SESN1: variants seen among roughly 807,000 people sequenced by gnomAD.
SESN1 encodes sestrin-1.
Under a neutral mutation model 59.3 loss-of-function variants are expected in SESN1, and 30 were observed. The ratio of observed to expected loss-of-function variants is 0.51; its 90% confidence interval spans 0.38 to 0.69. SESN1 has a LOEUF of 0.69. Ranked by LOEUF, SESN1 falls within the 30% of genes least tolerant of loss-of-function variation. The probability of loss-of-function intolerance (pLI) is 0.00; values close to 1 mark genes in which losing one functional copy is unlikely to be tolerated. For synonymous variants in SESN1, 197 were observed against 219.9 expected, an observed-to-expected ratio of 0.90 and a Z score of 0.92; for missense variants, 566 against 673.0, an observed-to-expected ratio of 0.84 and a Z score of 1.76.
chr6:109,071,305 AG>A (rs1780930161), intron 1 of SESN1, among the ~76,000 whole-genome samples: 1 of 151,728 alleles, frequency 6.6e-6, no homozygotes, highest in Non-Finnish European at 1.5e-5. Context: ...GGGTAAGAAG[AG>A]GTGCTATTTT....
At chr6:109,058,731 A>G (rs1212532488) in intron 1 of SESN1, among the ~76,000 whole-genome samples, 4 of 152,134 alleles carry the variant, frequency 2.6e-5, no homozygotes, top group Non-Finnish European at 5.9e-5. Flanking sequence ...GCAGCCCCAG[A>G]AGAGGAAGAA....
intron 5 of SESN1, among the ~76,000 whole-genome samples, chr6:108,997,315 A>ATAAGGTAGCAATATGGTAG (rs1217589008): frequency 6.6e-6 from 1 of 152,218 alleles, no homozygotes; most frequent in East Asian, 1.9e-4. Flanking sequence ...AGCAAGGAGA[A>ATAAGGTAGCAATATGGTAG]GAATCCATCT....
intron 1 of SESN1, among the ~76,000 whole-genome samples, chr6:109,090,988 T>C (rs1781309539): frequency 6.6e-6 from 1 of 152,132 alleles, no homozygotes; most frequent in African/African-American, 2.4e-5. Flanking sequence ...TTGTTCAGGC[T>C]GGTCTCCAAC....
intron 1 of SESN1, among the ~76,000 whole-genome samples, chr6:109,006,209 A>G (rs1779727198): frequency 6.6e-6 from 1 of 152,232 alleles, no homozygotes; most frequent in South Asian, 2.1e-4. Context: ...TGAAAAAGTC[A>G]AGAGTCTTAG....
At position 108,986,225 on chromosome 6, in the gene SESN1, G is replaced by C. The variant is rs968302400; in HGVS notation, c.*1319C>G. 8.5e-5 allele frequency among the ~76,000 whole-genome samples: 13 copies of C among 152,162 alleles called. No homozygotes were observed. Reference sequence around the variant, plus strand: ...GAACTCTAAAACAGTTGAAAAGAGAGCAGGCATAGGGCCATACCAGTCATT... The same window carrying C: ...GAACTCTAAAACAGTTGAAAAGAGACCAGGCATAGGGCCATACCAGTCATT... On this transcript the variant is annotated 3_prime_UTR_variant, in exon 10 of 10. Coordinates refer to ENST00000436639, the MANE Select transcript of SESN1 (RefSeq NM_014454.3).
rs1360155454 is a variant in SESN1, at chr6:109,094,135, T to C, written c.-62A>G. Reference sequence around the variant, plus strand: ...TCAGCATGCCCCAAAAAAATTGCTTTGTATTTTTAAAATGAAAAATGTAAA... The same window carrying C: ...TCAGCATGCCCCAAAAAAATTGCTTCGTATTTTTAAAATGAAAAATGTAAA... On this transcript the variant is annotated 5_prime_UTR_variant, in exon 1 of 10. Transcript: ENST00000436639. 4.5e-5 allele frequency: 67 copies of C among 1,498,788 alleles called. 1 individual carries two copies. The East Asian group carries it at 1.5e-3, about 33-fold the overall frequency. 92.8% of individuals were successfully genotyped at this position (1,498,788 alleles called of 1,614,324 possible).
chr6:108,992,864 G>T lies in SESN1; in HGVS notation c.1156C>A (p.Arg386Ser). ...CCATAACTAGTATCCTCAAAATGAC[G>T]AGATACAGCTCTTGCTGGTGTAACT... The part of the protein sequence containing the change: ...EEVTPARAVS[R>S]HFEDTSYGYK... The change falls in exon 7 of 10, where the codon CGT becomes AGT. Residue 386 changes from arginine to serine, a missense_variant. Coordinates refer to ENST00000436639, the MANE Select transcript of SESN1 (RefSeq NM_014454.3). The T allele has an allele frequency of 6.2e-7, 1 of 1,613,224 alleles. No individual in the cohort carries two copies. The highest frequency in any genetic ancestry group is 8.5e-7 in the Non-Finnish European group (1 of 1,179,426).
At chr6:109,046,277 G>A (rs1293706154) in intron 1 of SESN1, among the ~76,000 whole-genome samples, 1 of 151,556 alleles carries the variant, frequency 6.6e-6, no homozygotes, top group Non-Finnish European at 1.5e-5. Context: ...TGGAGACGGG[G>A]TTTCGCTGTG....
At chr6:109,003,215 T>A (rs538247580) in intron 1 of SESN1, among the ~76,000 whole-genome samples, 5 of 151,742 alleles carry the variant, frequency 3.3e-5, no homozygotes, top group South Asian at 4.2e-4. Flanking sequence ...CATTTAAAAA[T>A]TTTTTTTAGA....
intron 1 of SESN1, among the ~76,000 whole-genome samples, chr6:109,017,473 G>C (rs921778313): frequency 2.7e-4 from 41 of 152,100 alleles, no homozygotes; most frequent in African/African-American, 9.2e-4. Context: ...TTTTAGTAGA[G>C]ACGGGGTTTC....
Position 108,992,778 on chromosome 6 carries a change from C to T in SESN1, c.1233+9G>A. 1 of 1,575,706 alleles carries T rather than the reference C, an allele frequency of 6.3e-7. No individual in the cohort carries two copies. Among genetic ancestry groups the T allele is most frequent in the South Asian group, 1.1e-5 (1 of 90,268 alleles). On this transcript the variant is annotated intron_variant, in intron 7 of 9. Coordinates refer to ENST00000436639, the MANE Select transcript of SESN1 (RefSeq NM_014454.3). ...TAGTCAATCATGTGCATACAAGTTG[C>T]AATTTTACCTGGACACGAAATGTTG...
At chr6:109,074,253 A>G (rs1780990662) in intron 1 of SESN1, among the ~76,000 whole-genome samples, 1 of 152,158 alleles carries the variant, frequency 6.6e-6, no homozygotes, top group Non-Finnish European at 1.5e-5. Context: ...TTCTCAGAAT[A>G]TATCTGTCAT....
At chr6:109,067,886 C>G (rs1165336808) in intron 1 of SESN1, among the ~76,000 whole-genome samples, 1 of 152,204 alleles carries the variant, frequency 6.6e-6, no homozygotes, top group Admixed American at 6.5e-5. Context: ...CCACTATGGA[C>G]TGTATCATTA....
At chr6:109,022,788 AAATGGG>A (rs1780033308) in intron 1 of SESN1, among the ~76,000 whole-genome samples, 1 of 152,150 alleles carries the variant, frequency 6.6e-6, no homozygotes, top group Non-Finnish European at 1.5e-5. Flanking sequence ...TTCATTTTAG[AAATGGG>A]AAACTCAGAG....
At chr6:109,060,210 G>A (rs577654911) in intron 1 of SESN1, among the ~76,000 whole-genome samples, 1 of 152,016 alleles carries the variant, frequency 6.6e-6, no homozygotes, top group Non-Finnish European at 1.5e-5. Flanking sequence ...ATTAACAAAG[G>A]ATAATTTGTT....
intron 1 of SESN1, among the ~76,000 whole-genome samples, chr6:109,056,668 C>G (rs1434741650): frequency 1.3e-5 from 2 of 152,098 alleles, no homozygotes; most frequent in Non-Finnish European, 2.9e-5. Flanking sequence ...CAGTTATCAC[C>G]AATGAGATAC....
Position 109,002,291 on chromosome 6 carries a change from A to C in SESN1, c.332T>G (p.Ile111Ser), listed in dbSNP as rs1278673127. ...RPLGQGPSRFIPEKEILQVGS... is the reference protein window; with the variant it reads ...RPLGQGPSRFSPEKEILQVGS... ...CAAACAACGTACCTCCTTTTCTGGGATGAATCTGCTTGGTCCCTGTCCTAG... is the reference window on the plus strand; with the variant it reads ...CAAACAACGTACCTCCTTTTCTGGGCTGAATCTGCTTGGTCCCTGTCCTAG... The change falls in exon 2 of 10, where the codon ATC becomes AGC. Residue 111 changes from isoleucine to serine, a missense_variant. By Grantham distance (142) the Ile-to-Ser change is moderately radical. Coordinates refer to ENST00000436639, the MANE Select transcript of SESN1 (RefSeq NM_014454.3). The C allele has an allele frequency of 6.2e-7, 1 of 1,613,374 alleles. No homozygotes were observed. The highest frequency in any genetic ancestry group is 8.5e-7 in the Non-Finnish European group (1 of 1,179,378).
At chr6:109,011,276 TGAA>T (rs2114347596) in intron 1 of SESN1, among the ~76,000 whole-genome samples, 1 of 152,378 alleles carries the variant, frequency 6.6e-6, no homozygotes, top group African/African-American at 2.4e-5. Context: ...AAATATTTAT[TGAA>T]GAAATATTTC....
intron 3 of SESN1, 114 bp downstream of exon 3, chr6:109,001,174 A>T (rs1001480858): frequency 5.7e-6 from 5 of 876,294 alleles, no homozygotes; most frequent in Non-Finnish European, 8.7e-6. Context: ...TGCAACAGGA[A>T]TCATATTATA....
Sources: allele counts gnomAD v4.1 joint callset (sites outside exome capture counted in the v4.1 genomes callset), GRCh38; gene constraint gnomAD v4.1.1; transcripts MANE v1.5; gene names NCBI Gene and HGNC (gene_info 2026-07-23, HGNC 2026-07-21).